RIMS1: variants seen among roughly 807,000 people sequenced by gnomAD.
RIMS1 encodes the protein regulating synaptic membrane exocytosis 1, also known as regulating synaptic membrane exocytosis protein 1.
In RIMS1, 83 loss-of-function variants were observed where a neutral mutation model predicts 214.1. The observed-to-expected ratio is 0.39, with a 90% CI of 0.32 to 0.47. RIMS1 has a LOEUF of 0.47. RIMS1 is among the 20% of genes least tolerant of loss of function. The pLI is 0.99. For synonymous variants in RIMS1, 793 were observed against 786.8 expected (o/e 1.01, Z -0.13); for missense variants, 2,050 against 2,161.8 (o/e 0.95, Z 1.03).
chr6:72,148,981 T>C (rs563462086), intron 4 of RIMS1, among the ~76,000 whole-genome samples: 1 of 151,530 alleles, frequency 6.6e-6, no homozygotes, highest in East Asian at 1.9e-4. Flanking sequence ...CCTAGTAAGA[T>C]GCCTCCCCAA....
intron 6 of RIMS1, among the ~76,000 whole-genome samples, chr6:72,210,524 T>G (rs772456835): frequency 2.0e-5 from 3 of 152,210 alleles, no homozygotes; most frequent in Non-Finnish European, 2.9e-5. Flanking sequence ...TATACTATAT[T>G]CTCATGGAGG....
chr6:72,278,775 T>C (rs574725946), intron 23 of RIMS1, among the ~76,000 whole-genome samples: 34 of 152,220 alleles, frequency 2.2e-4, no homozygotes, highest in African/African-American at 8.2e-4. Flanking sequence ...GTATCTTAAT[T>C]GCATGCATCC....
intron 2 of RIMS1, among the ~76,000 whole-genome samples, chr6:71,973,735 G>A (rs766350446): frequency 2.0e-5 from 3 of 152,174 alleles, no homozygotes; most frequent in Non-Finnish European, 4.4e-5. Context: ...CAGAAGCAGT[G>A]TGTCACTGAT....
rs1211756647 is a variant in RIMS1, at chr6:71,886,771, G to T, written c.-253G>T. 8.8e-6 allele frequency: 3 copies of T among 339,940 alleles called. No individual in the cohort carries two copies. The highest frequency in any genetic ancestry group is 1.1e-5 in the Non-Finnish European group (2 of 189,534). 21.1% of individuals were successfully genotyped at this position (339,940 alleles called of 1,614,324 possible). ...CTGGGCTGCGGGAGGCGGCCGGGCG[G>T]CCCCGAGCTTCGCTAGGGCGACCAA... On this transcript the variant is annotated 5_prime_UTR_variant, in exon 1 of 34. Coordinates refer to ENST00000521978, the MANE Select transcript of RIMS1 (RefSeq NM_014989.7).
At chr6:72,297,703 G>A (rs1009961683) in intron 26 of RIMS1, among the ~76,000 whole-genome samples, 10 of 151,966 alleles carry the variant, frequency 6.6e-5, no homozygotes, top group African/African-American at 2.4e-4. Flanking sequence ...CCCAAAATGC[G>A]TCCAGGAAGG....
At chr6:72,363,888 G>A (rs2097905314) in intron 29 of RIMS1, among the ~76,000 whole-genome samples, 2 of 152,278 alleles carry the variant, frequency 1.3e-5, no homozygotes, top group South Asian at 4.1e-4. Flanking sequence ...AAGATTATTT[G>A]ATTTAGTACT....
intron 23 of RIMS1, among the ~76,000 whole-genome samples, chr6:72,276,200 G>A (rs1396552881): frequency 6.6e-6 from 1 of 152,138 alleles, no homozygotes; most frequent in African/African-American, 2.4e-5. Context: ...GGGCAACAGA[G>A]TGAGAACCTG....
At chr6:72,277,044 G>C (rs2086824212) in intron 23 of RIMS1, among the ~76,000 whole-genome samples, 1 of 152,158 alleles carries the variant, frequency 6.6e-6, no homozygotes, top group Admixed American at 6.5e-5. Context: ...GGCCATAGTT[G>C]ATTATTTTGA....
intron 4 of RIMS1, among the ~76,000 whole-genome samples, chr6:72,134,133 G>A (rs2040891480): frequency 6.6e-6 from 1 of 151,992 alleles, no homozygotes; most frequent in Admixed American, 6.6e-5. Context: ...CAATACTGCA[G>A]ATGTGTTATA....
rs188882298 is a variant in RIMS1, at chr6:71,914,418, C to T, written c.164+27231C>T. Among the ~76,000 whole-genome samples the T allele has an allele frequency of 1.1e-4, 16 of 152,076 alleles. No homozygotes were observed. In the East Asian group the frequency reaches 3.1e-3, roughly 29 times the overall value. ...TGGCCATAGAGTTTAGAACAAATAA[C>T]ACAGTCAGAAATTTCTAATTCTAAC... On this transcript the variant is annotated intron_variant, in intron 1 of 33. Coordinates refer to ENST00000521978, the MANE Select transcript of RIMS1 (RefSeq NM_014989.7).
At chr6:71,923,574 T>C (rs1353622211) in intron 1 of RIMS1, among the ~76,000 whole-genome samples, 1 of 149,442 alleles carries the variant, frequency 6.7e-6, no homozygotes, top group African/African-American at 2.4e-5. Context: ...TGACTTTTCT[T>C]TTTTTTTTTT....
At chr6:72,011,210 C>CA (rs1261627337) in intron 2 of RIMS1, among the ~76,000 whole-genome samples, 2 of 152,062 alleles carry the variant, frequency 1.3e-5, no homozygotes, top group Non-Finnish European at 2.9e-5. Flanking sequence ...ACAAACCTGA[C>CA]AAAAACAAGA....
intron 4 of RIMS1, among the ~76,000 whole-genome samples, chr6:72,102,637 G>T (rs974606185): frequency 3.3e-5 from 5 of 151,988 alleles, no homozygotes; most frequent in African/African-American, 1.2e-4. Context: ...GGGACAGGAT[G>T]TTGGCTTGAA....
At position 72,182,345 on chromosome 6, in the gene RIMS1, C is replaced by T. The variant is rs2048514392; in HGVS notation, c.874C>T (p.Arg292Cys). 6.2e-7 allele frequency: 1 copy of T among 1,612,922 alleles called. No individual in the cohort carries two copies. The highest frequency in any genetic ancestry group is 8.5e-7 in the Non-Finnish European group (1 of 1,179,378). Residue 292 changes from arginine to cysteine, a missense_variant, in exon 6 of 34, where the codon CGC becomes TGC. Arg to Cys is a radical substitution (Grantham distance 180, BLOSUM62 -3). Coordinates refer to ENST00000521978, the MANE Select transcript of RIMS1 (RefSeq NM_014989.7). ...GKGALKSERKRVPKTSAQPVE... is the reference protein window; with the variant it reads ...GKGALKSERKCVPKTSAQPVE... ...AGGAGCCCTGAAGAGCGAGCGGAAA[C>T]GCGTGCCAAAGACCTCAGCGCAGCC...
At chr6:72,178,508 T>C (rs528681569) in intron 4 of RIMS1, among the ~76,000 whole-genome samples, 7 of 152,334 alleles carry the variant, frequency 4.6e-5, no homozygotes, top group African/African-American at 1.7e-4. Context: ...GAGTCAGTAT[T>C]TGTGAAAAGG....
At chr6:72,324,379 C>T (rs745668366) in intron 28 of RIMS1, among the ~76,000 whole-genome samples, 14 of 151,774 alleles carry the variant, frequency 9.2e-5, no homozygotes, top group Non-Finnish European at 1.2e-4. Context: ...TTAAGTAAGT[C>T]AAAGTGCATA....
chr6:72,324,201 A>G (rs982228390), intron 28 of RIMS1, among the ~76,000 whole-genome samples: 113 of 151,964 alleles, frequency 7.4e-4, no homozygotes, highest in Non-Finnish European at 1.5e-4. Flanking sequence ...AGAACATTGG[A>G]AAGAGTTCAT....
chr6:72,327,039 C>A (rs1051170657), intron 28 of RIMS1, among the ~76,000 whole-genome samples: 1 of 151,692 alleles, frequency 6.6e-6, no homozygotes, highest in Non-Finnish European at 1.5e-5. Context: ...AACATATTCT[C>A]CCCTAAAGCC....
At chr6:71,937,158 A>C (rs1784694766) in intron 1 of RIMS1, among the ~76,000 whole-genome samples, 1 of 152,006 alleles carries the variant, frequency 6.6e-6, no homozygotes, top group Non-Finnish European at 1.5e-5. Context: ...ACAGTGTCTT[A>C]GTCCATTTTC....
Sources: allele counts gnomAD v4.1 joint callset (sites outside exome capture counted in the v4.1 genomes callset), GRCh38; gene constraint gnomAD v4.1.1; transcripts MANE v1.5; gene names NCBI Gene and HGNC (gene_info 2026-07-23, HGNC 2026-07-21).